The following CABIN1 variants were observed in gnomAD, a reference collection of about 807,000 sequenced individuals.
CABIN1 encodes the protein calcineurin binding protein 1.
Under a neutral mutation model 227.7 loss-of-function variants are expected in CABIN1, and 133 were observed. The observed-to-expected ratio is 0.58, with a 90% CI of 0.51 to 0.67. CABIN1 has a LOEUF of 0.67. Among genes scored for constraint, CABIN1 ranks in the 30% least tolerant of loss-of-function variants. The pLI is 0.00. For missense variants in CABIN1, 2,408 were observed against 2,852.5 expected, an observed-to-expected ratio of 0.84 and a Z score of 3.55; for synonymous variants, 1,086 against 1,155.1, an observed-to-expected ratio of 0.94 and a Z score of 1.21.
intron 30 of CABIN1, 141 bp from the exon 31 acceptor site, chr22:24,165,389 G>T: frequency 1.3e-6 from 1 of 795,344 alleles, no homozygotes. Flanking sequence ...TAGGGGAGCA[G>T]CCCCAAACAG....
Position 24,072,244 on chromosome 22 carries a change from G to A in CABIN1, c.2476-110G>A, listed in dbSNP as rs1251349028. On this transcript the variant is annotated intron_variant, in intron 17 of 36. Transcript: ENST00000263119. Reference sequence around the variant, plus strand: ...GTGCCCACATCTGAGCAGTGGGGGTGGGCAGGCAGCACATACCAGCTCCCC... The same window carrying A: ...GTGCCCACATCTGAGCAGTGGGGGTAGGCAGGCAGCACATACCAGCTCCCC... The A allele has an allele frequency of 1.0e-5, 11 of 1,073,728 alleles. No homozygotes were observed. In the Admixed American group the frequency reaches 2.0e-4, roughly 19 times the overall value. The allele number at this position is 1,073,728 out of a possible 1,614,324, so 66.5% of individuals were successfully genotyped here.
intron 6 of CABIN1, among the ~76,000 whole-genome samples, chr22:24,043,851 C>T (rs2037630847): frequency 6.6e-6 from 1 of 152,196 alleles, no homozygotes; most frequent in Non-Finnish European, 1.5e-5. Flanking sequence ...CAGTTGTAAA[C>T]TTGTGAATAC....
At chr22:24,157,644 C>T (rs1279133614) in intron 29 of CABIN1, among the ~76,000 whole-genome samples, 1 of 152,190 alleles carries the variant, frequency 6.6e-6, no homozygotes, top group Non-Finnish European at 1.5e-5. Context: ...CGCCCCACGC[C>T]ATCCCCTCCT....
chr22:24,121,123 G>A (rs1159340114), intron 28 of CABIN1, among the ~76,000 whole-genome samples: 1 of 152,226 alleles, frequency 6.6e-6, no homozygotes, highest in Non-Finnish European at 1.5e-5. Context: ...TAGCTGTGAG[G>A]ACTCAGTCAG....
At chr22:24,020,210 T>C (rs764488292) in intron 1 of CABIN1, among the ~76,000 whole-genome samples, 14 of 152,262 alleles carry the variant, frequency 9.2e-5, no homozygotes, top group East Asian at 1.9e-4. Flanking sequence ...TGAATAGATA[T>C]TGAATTTTGT....
intron 17 of CABIN1, 141 bp downstream of exon 17, chr22:24,071,183 G>T: frequency 8.4e-7 from 1 of 1,193,432 alleles, no homozygotes; most frequent in South Asian, 1.3e-5. Context: ...GGAACTTTCG[G>T]GATCTGAGGA....
At chr22:24,068,389 A>G (rs1459701134) in intron 16 of CABIN1, among the ~76,000 whole-genome samples, 1 of 152,200 alleles carries the variant, frequency 6.6e-6, no homozygotes, top group African/African-American at 2.4e-5. Context: ...GAAAGGGGAG[A>G]GAGGCCAGTG....
chr22:24,016,515 G>C (rs1386020274), intron 1 of CABIN1, among the ~76,000 whole-genome samples: 1 of 152,306 alleles, frequency 6.6e-6, no homozygotes, highest in Middle Eastern at 3.4e-3. Flanking sequence ...ACCATAGTAC[G>C]TTATAATAGT....
rs75252119 is a variant in CABIN1 at position 24,170,073 on chromosome 22, G to A, written c.5757+1552G>A. The A allele has an allele frequency of 2.4e-5, 11 of 453,358 alleles. No homozygotes were observed. In the East Asian group the frequency reaches 3.5e-4, roughly 14 times the overall value. The allele number at this position is 453,358 out of a possible 1,614,324, so 28.1% of individuals were successfully genotyped here. A position where few individuals can be genotyped will look rare whatever the true frequency, so the allele number is the denominator to read the frequency against. ...AGCAGTCTCCTCCCAGTTTGTGGAG[G>A]GGAGTGGCAGGGAGGAGGCCCTAAT... On this transcript the variant is annotated intron_variant, in intron 33 of 36. Coordinates refer to ENST00000263119, the MANE Select transcript of CABIN1 (RefSeq NM_012295.4).
intron 15 of CABIN1, 96 bp from the exon 16 acceptor site, chr22:24,066,891 C>T: frequency 8.6e-7 from 1 of 1,169,454 alleles, no homozygotes; most frequent in South Asian, 1.3e-5. Flanking sequence ...TTTTTATTCT[C>T]CTCATCCAAG....
chr22:24,108,092 C>A (rs941080294), intron 26 of CABIN1, among the ~76,000 whole-genome samples: 1 of 152,206 alleles, frequency 6.6e-6, no homozygotes, highest in Non-Finnish European at 1.5e-5. Context: ...GCACTAGCCA[C>A]GCCTTTGTGG....
intron 18 of CABIN1, 102 bp downstream of exon 18, chr22:24,072,612 G>A (rs894932898): frequency 1.5e-6 from 2 of 1,368,956 alleles, no homozygotes. Context: ...GTTGTGAGTG[G>A]GGCTCAGTCC....
chr22:24,051,197 C>T (rs1285855996), intron 8 of CABIN1, among the ~76,000 whole-genome samples: 1 of 152,170 alleles, frequency 6.6e-6, no homozygotes, highest in Admixed American at 6.5e-5. Flanking sequence ...TCCCTTTTTG[C>T]TGTTGCTGTT....
At chr22:24,156,756 C>G (rs1255615524) in intron 29 of CABIN1, among the ~76,000 whole-genome samples, 1 of 151,920 alleles carries the variant, frequency 6.6e-6, no homozygotes, top group Non-Finnish European at 1.5e-5. Flanking sequence ...TTAGGGGTAA[C>G]GGTTGCATGG....
chr22:24,172,772 C>T (rs142039364), intron 34 of CABIN1, among the ~76,000 whole-genome samples: 94 of 152,286 alleles, frequency 6.2e-4, no homozygotes, highest in African/African-American at 2.2e-3. Flanking sequence ...AGACAAGGCA[C>T]CATCCCCCTC....
chr22:24,028,557 A>G lies in CABIN1; in HGVS notation c.-74-6887A>G, dbSNP rs372403734. The stretch of plus-strand genomic sequence containing the variant: ...TTGACTGAAAAGTTAAATGTGTCCT[A>G]TCCTCCAGTCGTTTTTTTCCAGCCC... On this transcript the variant is annotated intron_variant, in intron 1 of 36. Transcript: ENST00000263119. Among the ~76,000 whole-genome samples the G allele has an allele frequency of 4.2e-4, 64 of 152,286 alleles. 1 individual carries two copies. The Middle Eastern group carries it at 0.041, about 97-fold the overall frequency.
chr22:24,112,725 C>T (rs2042876966), intron 26 of CABIN1, among the ~76,000 whole-genome samples: 1 of 152,106 alleles, frequency 6.6e-6, no homozygotes, highest in Admixed American at 6.5e-5. Flanking sequence ...AATGTTTGGA[C>T]CCTAGATGAT....
chr22:24,147,776 G>A (rs963558838), intron 29 of CABIN1, among the ~76,000 whole-genome samples: 2 of 152,138 alleles, frequency 1.3e-5, no homozygotes, highest in Non-Finnish European at 2.9e-5. Context: ...TGTGTGTGGC[G>A]GTCTCAGCTT....
At chr22:24,136,522 G>GTTTT (rs2044413985) in intron 29 of CABIN1, among the ~76,000 whole-genome samples, 1 of 77,378 alleles carries the variant, frequency 1.3e-5, no homozygotes, top group African/African-American at 6.6e-5. Context: ...GCTAATTTTT[G>GTTTT]TATTTTTTTT....
Sources: gnomAD v4.1 joint callset for allele counts (sites outside exome capture counted in the v4.1 genomes callset) on GRCh38, gnomAD v4.1.1 for gene constraint, MANE v1.5 for transcripts, NCBI Gene and HGNC (gene_info 2026-07-23, HGNC 2026-07-21) for gene names.